NEIL2: variants seen among roughly 807,000 people sequenced by gnomAD.
The protein encoded by NEIL2 is nei like DNA glycosylase 2, also known as endonuclease 8-like 2.
NEIL2 carries 23 observed loss-of-function variants against 22.2 expected under a neutral mutation model. The ratio of observed to expected loss-of-function variants is 1.04; its 90% CI spans 0.75 to 1.47. NEIL2 has a LOEUF of 1.47. Ranked by LOEUF, NEIL2 falls within the 40% of genes most tolerant of loss-of-function variation. NEIL2 has a pLI of 0.00. For synonymous variants in NEIL2, 229 were observed against 164.8 expected, an observed-to-expected ratio of 1.39 and a Z score of -2.99; for missense variants, 583 against 404.7, an observed-to-expected ratio of 1.44 and a Z score of -3.78.
intron 2 of NEIL2, among the ~76,000 whole-genome samples, chr8:11,773,663 C>T (rs900731576): frequency 4.6e-5 from 7 of 152,144 alleles, no homozygotes; most frequent in African/African-American, 1.7e-4. Context: ...GAAGCAGTTA[C>T]AGGCGGGCCG....
At position 11,786,736 on chromosome 8, in the gene NEIL2, C is replaced by T. The variant is rs1393856999; in HGVS notation, c.*463C>T. 1 of 207,172 alleles carries T rather than the reference C, an allele frequency of 4.8e-6. No individual in the cohort carries two copies. Among genetic ancestry groups the T allele is most frequent in the Non-Finnish European group, 9.8e-6 (1 of 102,512 alleles). 12.8% of individuals were successfully genotyped at this position (207,172 alleles called of 1,614,324 possible). A position where few individuals can be genotyped will look rare whatever the true frequency, so the allele number is the denominator to read the frequency against. On this transcript the variant is annotated 3_prime_UTR_variant, in exon 5 of 5. Coordinates refer to ENST00000284503, the MANE Select transcript of NEIL2 (RefSeq NM_145043.4). ...CTCACGGCAGCCTTGCCCTCCCTGG[C>T]TCAAGCAGTCTTCATCTCAGCCTCC...
Position 11,779,825 on chromosome 8 carries a change from C to T in NEIL2, c.366C>T (p.Ala122=), listed in dbSNP as rs1219573112. The change falls in exon 3 of 5, where the codon GCC becomes GCT. Residue 122 remains alanine (A), a synonymous_variant. Transcript: ENST00000284503. ...EDDSEYLERD[A]PAGDAGRWLR... ...ATTCTGAGTATTTGGAGAGAGACGC[C>T]CCTGCAGGAGATGCTGGGAGGTGGC... The T allele has an allele frequency of 6.2e-7, 1 of 1,614,126 alleles. No individual in the cohort carries two copies. Among genetic ancestry groups the T allele is most frequent in the Non-Finnish European group, 8.5e-7 (1 of 1,180,024 alleles).
intron 3 of NEIL2, among the ~76,000 whole-genome samples, chr8:11,781,659 T>TAAA (rs1804433311): frequency 6.6e-6 from 1 of 152,242 alleles, no homozygotes; most frequent in Admixed American, 6.5e-5. Flanking sequence ...TTTACCTGGT[T>TAAA]AGGTCTCTTT....
In NEIL2 at chr8:11,786,334, A is replaced by C; in HGVS notation, c.*61A>C. On this transcript the variant is annotated 3_prime_UTR_variant, in exon 5 of 5. Coordinates refer to ENST00000284503, the MANE Select transcript of NEIL2 (RefSeq NM_145043.4). Reference sequence around the variant, plus strand: ...TGGGGAACCTGACGTCTAAGTGTCCAGAAAGGAGGATGTGGGCAGGGACGG... The same window carrying C: ...TGGGGAACCTGACGTCTAAGTGTCCCGAAAGGAGGATGTGGGCAGGGACGG... 2 of 1,527,760 alleles carry C rather than the reference A, an allele frequency of 1.3e-6. No individual in the cohort carries two copies. Among genetic ancestry groups the C allele is most frequent in the Non-Finnish European group, 1.8e-6 (2 of 1,118,954 alleles). The allele number at this position is 1,527,760 out of a possible 1,614,324, so 94.6% of individuals were successfully genotyped here. A position where few individuals can be genotyped will look rare whatever the true frequency, so the allele number is the denominator to read the frequency against.
intron 2 of NEIL2, among the ~76,000 whole-genome samples, chr8:11,779,350 C>A (rs1482510386): frequency 6.6e-6 from 1 of 152,206 alleles, no homozygotes; most frequent in African/African-American, 2.4e-5. Context: ...TCCAGGGTGG[C>A]CTTGCCATCT....
chr8:11,776,922 G>A lies in NEIL2; in HGVS notation c.139-2676G>A, dbSNP rs562789956. Among the ~76,000 whole-genome samples the A allele has an allele frequency of 9.9e-5, 15 of 152,240 alleles. No individual in the cohort carries two copies. The South Asian group carries it at 1.0e-3, about 11-fold the overall frequency. ...TTGAGAGCTCTTTGGTTCCTATAGC[G>A]GGTTTGTTGGGAGTAGTGCTAACAG... On this transcript the variant is annotated intron_variant, in intron 2 of 4. Coordinates refer to ENST00000284503, the MANE Select transcript of NEIL2 (RefSeq NM_145043.4).
At chr8:11,775,995 T>G (rs1388829399) in intron 2 of NEIL2, among the ~76,000 whole-genome samples, 2 of 152,238 alleles carry the variant, frequency 1.3e-5, no homozygotes, top group Non-Finnish European at 2.9e-5. Flanking sequence ...CCAAAGTTGC[T>G]TCCGCATTTT....
intron 3 of NEIL2, among the ~76,000 whole-genome samples, chr8:11,782,140 A>G (rs1804478226): frequency 6.6e-6 from 1 of 152,010 alleles, no homozygotes; most frequent in Non-Finnish European, 1.5e-5. Context: ...TGAAAATATT[A>G]GGTTGGGTGT....
At chr8:11,781,685 T>G (rs1248473393) in intron 3 of NEIL2, among the ~76,000 whole-genome samples, 3 of 152,250 alleles carry the variant, frequency 2.0e-5, no homozygotes, top group Non-Finnish European at 4.4e-5. Context: ...TGTACCTGTT[T>G]TATGTTTACT....
Position 11,786,294 on chromosome 8 carries a change from C to A in NEIL2, c.*21C>A, listed in dbSNP as rs1534862. Reference sequence around the variant, plus strand: ...CCTAAGGAGCTGGTGGTGCTCCTCACGGAACCTTGCCGCTTGGGGAACCTG... The same window carrying A: ...CCTAAGGAGCTGGTGGTGCTCCTCAAGGAACCTTGCCGCTTGGGGAACCTG... On this transcript the variant is annotated 3_prime_UTR_variant, in exon 5 of 5. Transcript: ENST00000284503. 3.4e-5 allele frequency: 55 copies of A among 1,604,182 alleles called. No homozygotes were observed. The highest frequency in any genetic ancestry group is 1.5e-4 in the Admixed American group (9 of 58,966).
intron 2 of NEIL2, among the ~76,000 whole-genome samples, chr8:11,773,496 A>G (rs1447092683): frequency 6.6e-6 from 1 of 152,062 alleles, no homozygotes; most frequent in Non-Finnish European, 1.5e-5. Flanking sequence ...CTAAATGGGG[A>G]GGGCAGAGCA....
rs1399314884 is a variant in NEIL2 at position 11,779,927 on chromosome 8, GGACT to G, written c.470_473del (p.Asp157GlyfsTer50). 6.2e-7 allele frequency: 1 copy of G among 1,614,056 alleles called. No individual in the cohort carries two copies. Among genetic ancestry groups the G allele is most frequent in the East Asian group, 2.2e-5 (1 of 44,880 alleles). On this transcript the variant is annotated frameshift_variant, in exon 3 of 5. Transcript: ENST00000284503. LOFTEE classifies it high-confidence loss of function. ...GAGCCAAGAAAGCCAACAAGAGGGGGGACTGGAGGGACCCTTCCCCGAGGTAATG... is the reference window on the plus strand; with the variant it reads ...GAGCCAAGAAAGCCAACAAGAGGGGGGGAGGGACCCTTCCCCGAGGTAATG...
intron 2 of NEIL2, among the ~76,000 whole-genome samples, chr8:11,772,800 G>A (rs1327540858): frequency 2.6e-5 from 4 of 152,142 alleles, no homozygotes; most frequent in Admixed American, 6.5e-5. Context: ...TTCTTCTATT[G>A]TAGAATGGAG....
At position 11,774,527 on chromosome 8, in the gene NEIL2, C is replaced by T. The variant is rs1211994923; in HGVS notation, c.138+2942C>T. Reference sequence around the variant, plus strand: ...CATGGGAGTTATATTATTCCACCCCCAGGCCCTTCCAAAGCACAAGTCCTC... The same window carrying T: ...CATGGGAGTTATATTATTCCACCCCTAGGCCCTTCCAAAGCACAAGTCCTC... On this transcript the variant is annotated intron_variant, in intron 2 of 4. Transcript: ENST00000284503. 5.3e-5 allele frequency among the ~76,000 whole-genome samples: 8 copies of T among 152,188 alleles called. No individual in the cohort carries two copies. The South Asian group carries it at 1.2e-3, about 24-fold the overall frequency.
intron 4 of NEIL2, among the ~76,000 whole-genome samples, chr8:11,785,294 T>G (rs941968817): frequency 2.6e-5 from 4 of 152,194 alleles, no homozygotes; most frequent in Admixed American, 1.3e-4. Context: ...CTCCCAGGTT[T>G]AAGCTAGTCT....
At chr8:11,775,836 A>G (rs558878964) in intron 2 of NEIL2, among the ~76,000 whole-genome samples, 1 of 152,284 alleles carries the variant, frequency 6.6e-6, no homozygotes, top group South Asian at 2.1e-4. Flanking sequence ...ATCTGAGACC[A>G]CTTCAGCCTG....
chr8:11,784,487 T>G (rs804294), intron 4 of NEIL2, among the ~76,000 whole-genome samples: 1 of 152,208 alleles, frequency 6.6e-6, no homozygotes, highest in African/African-American at 2.4e-5. Flanking sequence ...TCCAGGTGTT[T>G]TGTCAATGAA....
At position 11,776,766 on chromosome 8, in the gene NEIL2, C is replaced by T. The variant is rs139026716; in HGVS notation, c.139-2832C>T. Among the ~76,000 whole-genome samples, 193 of 152,314 alleles carry T rather than the reference C, an allele frequency of 1.3e-3. 14 individuals are homozygous for T. Among genetic ancestry groups the T allele is most frequent in the Admixed American group, 9.8e-4 (15 of 15,300 alleles). On this transcript the variant is annotated intron_variant, in intron 2 of 4. Coordinates refer to ENST00000284503, the MANE Select transcript of NEIL2 (RefSeq NM_145043.4). ...GATGGGTAGGTCCCCTGGGTTCTCTCTTCCTTGGGGCTCCCCTCTGCTGCA... is the reference window on the plus strand; with the variant it reads ...GATGGGTAGGTCCCCTGGGTTCTCTTTTCCTTGGGGCTCCCCTCTGCTGCA...
At chr8:11,777,409 C>G (rs1442356820) in intron 2 of NEIL2, among the ~76,000 whole-genome samples, 1 of 148,146 alleles carries the variant, frequency 6.8e-6, no homozygotes, top group African/African-American at 2.5e-5. Context: ...ACAAACTTTA[C>G]TGTCTTAACC....
Sources: gnomAD v4.1 joint callset for allele counts (sites outside exome capture counted in the v4.1 genomes callset) on GRCh38, gnomAD v4.1.1 for gene constraint, MANE v1.5 for transcripts, NCBI Gene and HGNC (gene_info 2026-07-23, HGNC 2026-07-21) for gene names.